The following GAS6 variants were observed in gnomAD, a reference collection of about 807,000 sequenced individuals.
The protein encoded by GAS6 is growth arrest specific 6, also known as growth arrest-specific protein 6.
In GAS6, 41 loss-of-function variants were observed where a neutral mutation model predicts 75.8. The ratio of observed to expected loss-of-function variants is 0.54; its 90% confidence interval spans 0.42 to 0.70. The LOEUF is 0.70. GAS6 is among the 30% of genes least tolerant of loss of function. The pLI is 0.00. For missense variants in GAS6, 854 were observed against 940.2 expected, an observed-to-expected ratio of 0.91 and a Z score of 1.20; for synonymous variants, 432 against 412.6, an observed-to-expected ratio of 1.05 and a Z score of -0.57.
Position 113,838,160 on chromosome 13 carries a change from GCCCCCGTTCT to G in GAS6, c.488_497del (p.Glu163AlafsTer33), listed in dbSNP as rs1566364816. ...GCTTGTTGTGGCAGATCTGGAGGCAGCCCCCGTTCTCCTGGCTGCATTCGTTGACATCTGG... is the reference window on the plus strand; with the variant it reads ...GCTTGTTGTGGCAGATCTGGAGGCAGCCTGGCTGCATTCGTTGACATCTGG... On this transcript the variant is annotated frameshift_variant, in exon 6 of 15. Transcript: ENST00000327773. The G allele has an allele frequency of 6.2e-7, 1 of 1,612,902 alleles. No homozygotes were observed. Among genetic ancestry groups the G allele is most frequent in the Non-Finnish European group, 8.5e-7 (1 of 1,179,906 alleles).
Position 113,839,709 on chromosome 13 carries a change from T to C in GAS6, c.466+19A>G, listed in dbSNP as rs1224642812. 1.9e-6 allele frequency: 3 copies of C among 1,611,512 alleles called. No individual in the cohort carries two copies. In the African/African-American group the frequency reaches 4.0e-5, roughly 22 times the overall value. On this transcript the variant is annotated intron_variant, in intron 5 of 14. Transcript: ENST00000327773. ...CGGAGATGGAGGGAGACCCCGCCTT[T>C]GTCTTCAGCCTCACGTACCTTTGTC...
intron 4 of GAS6, chr13:113,841,013 C>T (rs1347044373): frequency 6.6e-6 from 1 of 152,400 alleles, no homozygotes; most frequent in African/African-American, 2.4e-5. Flanking sequence ...CACGTCGAGT[C>T]TTCAGTGCAT....
chr13:113,861,308 G>C (rs2051969501), intron 2 of GAS6, among the ~76,000 whole-genome samples: 1 of 152,258 alleles, frequency 6.6e-6, no homozygotes, highest in South Asian at 2.1e-4. Flanking sequence ...AAATGGCAGG[G>C]GGCTGGGACC....
At position 113,837,982 on chromosome 13, in the gene GAS6, C is replaced by G; in HGVS notation, c.589+87G>C. On this transcript the variant is annotated intron_variant, in intron 6 of 14. Transcript: ENST00000327773. The surrounding 1 kb of genome is among the most constrained non-coding windows in gnomAD (Gnocchi z 5.1). ...TCCAGAACCACAGGAACCCAGCCAG[C>G]AGCAGCCGCTTGCAGAAGAGCAGAC... is the stretch of plus-strand genomic sequence containing the variant. The G allele has an allele frequency of 1.3e-6, 2 of 1,531,492 alleles. No homozygotes were observed. The highest frequency in any genetic ancestry group is 3.5e-5 in the Admixed American group (2 of 57,112). 94.9% of individuals were successfully genotyped at this position (1,531,492 alleles called of 1,614,324 possible).
chr13:113,834,193 C>CCGGTGTGACAGGCCCCGGTGTGACAGGT (rs946198359), intron 8 of GAS6, among the ~76,000 whole-genome samples: 15 of 134,820 alleles, frequency 1.1e-4, no homozygotes, highest in East Asian at 4.8e-4. Flanking sequence ...GTGACAGGCA[C>CCGGTGTGACAGGCCCCGGTGTGACAGGT]CGGTGTGACA....
At chr13:113,835,671 G>A in intron 6 of GAS6, 36 bp from the exon 7 acceptor site, 1 of 1,605,558 alleles carries the variant, frequency 6.2e-7, no homozygotes, top group Non-Finnish European at 8.5e-7. Flanking sequence ...CCGCAGCACA[G>A]CGGCATCTCA....
rs1265524296 is a variant in GAS6, at chr13:113,821,977, G to A, written c.1863C>T (p.Thr621=). The A allele has an allele frequency of 6.5e-7, 1 of 1,540,836 alleles. No individual in the cohort carries two copies. Among genetic ancestry groups the A allele is most frequent in the South Asian group, 1.2e-5 (1 of 83,760 alleles). ...LERHLRSPVL[T]FAGGLPDVPV... is the part of the protein sequence containing the mutation. ...ACCTACCTGGCAGGCCGCCAGCAAA[G>A]GTGAGCACGGGGCTCCGCAGGTGCC... Residue 621 remains threonine, a synonymous_variant, in exon 14 of 15, where the codon ACC becomes ACT. Transcript: ENST00000327773.
At chr13:113,855,275 A>G (rs2051905514) in intron 2 of GAS6, among the ~76,000 whole-genome samples, 1 of 152,086 alleles carries the variant, frequency 6.6e-6, no homozygotes, top group South Asian at 2.1e-4. Flanking sequence ...AGATGTGCTA[A>G]CCTTGGAGTT....
At chr13:113,861,658 T>G (rs1594212349) in intron 2 of GAS6, among the ~76,000 whole-genome samples, 1 of 152,116 alleles carries the variant, frequency 6.6e-6, no homozygotes, top group African/African-American at 2.4e-5. Context: ...GTGGGCCTGG[T>G]GTGCTGGAGC....
Position 113,839,353 on chromosome 13 carries a change from C to T in GAS6, c.466+375G>A, listed in dbSNP as rs992499492. On this transcript the variant is annotated intron_variant, in intron 5 of 14. Transcript: ENST00000327773. Reference sequence around the variant, plus strand: ...CCGGCCTTTCAATCAGTGGGTGCCACTGACACCACAGGTCTGCACTCAAGG... The same window carrying T: ...CCGGCCTTTCAATCAGTGGGTGCCATTGACACCACAGGTCTGCACTCAAGG... 1.5e-5 allele frequency: 3 copies of T among 195,324 alleles called. No individual in the cohort carries two copies. The South Asian group carries it at 3.5e-4, about 23-fold the overall frequency. 12.1% of individuals were successfully genotyped at this position (195,324 alleles called of 1,614,324 possible).
chr13:113,857,698 G>C (rs1204935149), intron 2 of GAS6, among the ~76,000 whole-genome samples: 1 of 152,248 alleles, frequency 6.6e-6, no homozygotes, highest in Non-Finnish European at 1.5e-5. Flanking sequence ...ATAAGCACTT[G>C]CTTCCTAAAA....
At chr13:113,821,885 T>G in intron 14 of GAS6, 73 bp downstream of exon 14, 6 of 1,201,672 alleles carry the variant, frequency 5.0e-6, no homozygotes, top group Non-Finnish European at 6.8e-6. Context: ...CCTGTCCAGG[T>G]TAGATCTGGG....
chr13:113,847,046 AGGGCGGCGGG>A (rs1351221689), intron 3 of GAS6: 6 of 504,894 alleles, frequency 1.2e-5, no homozygotes, highest in Non-Finnish European at 2.4e-5. Flanking sequence ...ACATCCCGCT[AGGGCGGCGGG>A]GGGAGGCGAG....
At position 113,822,136 on chromosome 13, in the gene GAS6, C is replaced by T. The variant is rs371231729; in HGVS notation, c.1704G>A (p.Lys568=). The change falls in exon 14 of 15, where the codon AAG becomes AAA. Residue 568 remains lysine (K), a synonymous_variant. Transcript: ENST00000327773. Reference sequence around the variant, plus strand: ...CCACGTGCTCTTGGCCGTCGCAGACCTTGATCTCCATTAGGGCCAAGGCCG... The same window carrying T: ...CCACGTGCTCTTGGCCGTCGCAGACTTTGATCTCCATTAGGGCCAAGGCCG... ...EHTALALMEI[K]VCDGQEHVVT... is the part of the protein sequence containing the mutation. 166 of 1,599,674 alleles carry T rather than the reference C, an allele frequency of 1.0e-4. No homozygotes were observed. Among genetic ancestry groups the T allele is most frequent in the Middle Eastern group, 1.7e-4 (1 of 6,036 alleles).
intron 2 of GAS6, among the ~76,000 whole-genome samples, chr13:113,858,647 C>CTGTA (rs141018749): frequency 0.41 from 54,105 of 133,186 alleles, 12,716 homozygotes; most frequent in African/African-American, 0.72. Context: ...GTGTTTGTGA[C>CTGTA]TGTATGTGTA....
chr13:113,862,176 T>C (rs1232686844), intron 2 of GAS6, among the ~76,000 whole-genome samples: 1 of 152,218 alleles, frequency 6.6e-6, no homozygotes, highest in Non-Finnish European at 1.5e-5. Context: ...GCGTCCAGTC[T>C]GATTGACATG....
chr13:113,832,219 G>T (rs2051637403), intron 10 of GAS6, 80 bp downstream of exon 10: 3 of 1,462,458 alleles, frequency 2.1e-6, no homozygotes. Flanking sequence ...TCTCCTAACG[G>T]TTGCATAAGC....
At chr13:113,832,550 GCTGGCCGAACC>G (rs2051642075) in intron 9 of GAS6, 62 bp from the exon 10 acceptor site, 1 of 1,598,474 alleles carries the variant, frequency 6.3e-7, no homozygotes, top group Admixed American at 1.7e-5. Flanking sequence ...GCCCCTCCCT[GCTGGCCGAACC>G]CTGGCCCGGG....
intron 3 of GAS6, chr13:113,847,081 C>T (rs752409604): frequency 1.0e-4 from 49 of 481,874 alleles, no homozygotes; most frequent in African/African-American, 8.4e-4. Flanking sequence ...GGCACATGCA[C>T]ATCCAGGGAT....
Sources: gnomAD v4.1 joint callset for allele counts (sites outside exome capture counted in the v4.1 genomes callset) on GRCh38, gnomAD v4.1.1 for gene constraint, Gnocchi (gnomAD v3.1) non-coding constraint, MANE v1.5 for transcripts, NCBI Gene and HGNC (gene_info 2026-07-23, HGNC 2026-07-21) for gene names.